Variants in BRIP1 observed in about 807,000 individuals in gnomAD.
BRIP1 encodes Fanconi anemia group J protein.
A neutral mutation model predicts 119.7 loss-of-function variants in BRIP1; 88 were observed. The ratio of observed to expected loss-of-function variants is 0.74; its 90% confidence interval spans 0.62 to 0.88. The LOEUF is 0.88. Ranked by LOEUF, BRIP1 falls within the 40% of genes least tolerant of loss-of-function variation. BRIP1 has a pLI of 0.00. For synonymous variants in BRIP1, 443 were observed against 496.5 expected (o/e 0.89, Z 1.43); for missense variants, 1,259 against 1,455.4 (o/e 0.87, Z 2.20).
intron 11 of BRIP1, among the ~76,000 whole-genome samples, chr17:61,781,608 A>G (rs1307114223): frequency 6.6e-6 from 1 of 152,176 alleles, no homozygotes; most frequent in East Asian, 1.9e-4. Flanking sequence ...ATAAGAATCT[A>G]GAAAATGGTT....
chr17:61,786,837 T>C (rs1420621902), intron 10 of BRIP1, among the ~76,000 whole-genome samples: 4 of 127,868 alleles, frequency 3.1e-5, no homozygotes, highest in Non-Finnish European at 6.3e-5. Flanking sequence ...TTTTATATAA[T>C]ATATTTATAT....
rs1285648729 is a variant in BRIP1 at position 61,862,185 on chromosome 17, C to G, written c.-30-616G>C. The G allele has an allele frequency of 6.5e-6, 1 of 153,454 alleles. No individual in the cohort carries two copies. The highest frequency in any genetic ancestry group is 1.4e-5 in the Non-Finnish European group (1 of 68,982). 9.5% of individuals were successfully genotyped at this position (153,454 alleles called of 1,614,324 possible). A position where few individuals can be genotyped will look rare whatever the true frequency, so the allele number is the denominator to read the frequency against. On this transcript the variant is annotated intron_variant, in intron 1 of 19. Transcript: ENST00000259008. This position sits in a 1 kb window ranked among gnomAD's most constrained non-coding sequence, Gnocchi z 5.3. ...ATCTTTGACATATCTTTTTACTTCT[C>G]TAGTCTAAGATCCTTACCTGTGATA... is the stretch of plus-strand genomic sequence containing the variant.
At chr17:61,838,380 T>C (rs1369931366) in intron 6 of BRIP1, among the ~76,000 whole-genome samples, 1 of 151,718 alleles carries the variant, frequency 6.6e-6, no homozygotes, top group Non-Finnish European at 1.5e-5. Context: ...ACCCTGTCTC[T>C]ACTAAAATAT....
In BRIP1 at chr17:61,752,806, A is replaced by G. The variant is rs1034210634; in HGVS notation, c.2098-8215T>C. Among the ~76,000 whole-genome samples the G allele has an allele frequency of 6.6e-6, 1 of 152,226 alleles. No homozygotes were observed. Among genetic ancestry groups the G allele is most frequent in the Non-Finnish European group, 1.5e-5 (1 of 68,032 alleles). On this transcript the variant is annotated intron_variant, in intron 14 of 19. Coordinates refer to ENST00000259008, the MANE Select transcript of BRIP1 (RefSeq NM_032043.3). The surrounding 1 kb of genome is among the most constrained non-coding windows in gnomAD (Gnocchi z 6.2). The stretch of plus-strand genomic sequence containing the variant: ...AGAAAAGTGAACAGATTATAAAAAT[A>G]CTTAAAATTAAAATGAGTAAGATAT...
Position 61,799,416 on chromosome 17 carries a change from T to G in BRIP1, c.1141-117A>C. The G allele has an allele frequency of 1.6e-6, 1 of 623,272 alleles. No individual in the cohort carries two copies. The highest frequency in any genetic ancestry group is 2.5e-6 in the Non-Finnish European group (1 of 405,792). The allele number at this position is 623,272 out of a possible 1,614,324, so 38.6% of individuals were successfully genotyped here. ...GGCCAATATTGCAAATGCAATTACATAAGCAACAGAGATTCTAGGTCTTAA... is the reference window on the plus strand; with the variant it reads ...GGCCAATATTGCAAATGCAATTACAGAAGCAACAGAGATTCTAGGTCTTAA... On this transcript the variant is annotated intron_variant, in intron 8 of 19. Transcript: ENST00000259008. This position sits in a 1 kb window ranked among gnomAD's most constrained non-coding sequence, Gnocchi z 5.1.
Position 61,758,174 on chromosome 17 carries a change from C to G in BRIP1, c.2098-13583G>C, listed in dbSNP as rs2077225551. Among the ~76,000 whole-genome samples the G allele has an allele frequency of 6.6e-6, 1 of 152,058 alleles. No homozygotes were observed. Among genetic ancestry groups the G allele is most frequent in the East Asian group, 1.9e-4 (1 of 5,202 alleles). ...AATGTATATAATCTGACTTGTTTTG[C>G]TTTTTAAAAATGAAGAACTGTTGAC... is the stretch of plus-strand genomic sequence containing the variant. On this transcript the variant is annotated intron_variant, in intron 14 of 19. Transcript: ENST00000259008. The surrounding 1 kb of genome is among the most constrained non-coding windows in gnomAD (Gnocchi z 5.3).
chr17:61,772,466 G>GA, intron 14 of BRIP1, among the ~76,000 whole-genome samples: 1 of 152,060 alleles, frequency 6.6e-6, no homozygotes, highest in South Asian at 2.1e-4. Context: ...GAAAGGTTCT[G>GA]AAAATAGATA....
rs1445916541 is a variant in BRIP1, at chr17:61,806,103, G to T, written c.918+2364C>A. The stretch of plus-strand genomic sequence containing the variant: ...TCAGAAAGTTTACACTTTAAGGGCA[G>T]TTAGAATGACACCCCTCTGCAGGCT... On this transcript the variant is annotated intron_variant, in intron 7 of 19. Coordinates refer to ENST00000259008, the MANE Select transcript of BRIP1 (RefSeq NM_032043.3). This position sits in a 1 kb window ranked among gnomAD's most constrained non-coding sequence, Gnocchi z 4.9. Among the ~76,000 whole-genome samples, 1 of 152,210 alleles carries T rather than the reference G, an allele frequency of 6.6e-6. No homozygotes were observed. The highest frequency in any genetic ancestry group is 2.4e-5 in the African/African-American group (1 of 41,444).
rs540232750 is a variant in BRIP1 at position 61,690,072 on chromosome 17, G to A, written c.2575+3358C>T. Among the ~76,000 whole-genome samples the A allele has an allele frequency of 9.9e-4, 151 of 152,254 alleles. No homozygotes were observed. The highest frequency in any genetic ancestry group is 1.6e-3 in the Non-Finnish European group (110 of 68,024). ...AAGGAAGTGGGATGACATGTTTGAA[G>A]TGCTGAAAGAAAAAAACCTGCCAGT... On this transcript the variant is annotated intron_variant, in intron 18 of 19. Transcript: ENST00000259008. This position sits in a 1 kb window ranked among gnomAD's most constrained non-coding sequence, Gnocchi z 5.6.
chr17:61,757,607 C>T lies in BRIP1; in HGVS notation c.2098-13016G>A, dbSNP rs74364882. On this transcript the variant is annotated intron_variant, in intron 14 of 19. Transcript: ENST00000259008. This position sits in a 1 kb window ranked among gnomAD's most constrained non-coding sequence, Gnocchi z 4.3. ...CTTGATACATTCTGATAAAAATATACAATGATATTTACAATGCAAAAAACT... is the reference window on the plus strand; with the variant it reads ...CTTGATACATTCTGATAAAAATATATAATGATATTTACAATGCAAAAAACT... Among the ~76,000 whole-genome samples the T allele has an allele frequency of 9.1e-4, 138 of 152,234 alleles. 1 individual carries two copies. In the East Asian group the frequency reaches 0.025, roughly 27 times the overall value.
chr17:61,771,293 G>A (rs2077444273), intron 14 of BRIP1, among the ~76,000 whole-genome samples: 2 of 152,166 alleles, frequency 1.3e-5, no homozygotes, highest in South Asian at 2.1e-4. Context: ...AATGAGTTAG[G>A]AGTTTCTTTT....
chr17:61,731,184 T>C (rs1395574557), intron 16 of BRIP1, among the ~76,000 whole-genome samples: 2 of 152,202 alleles, frequency 1.3e-5, no homozygotes, highest in Non-Finnish European at 1.5e-5. Context: ...ACAAGGTTTT[T>C]TCTTCTATAT....
intron 16 of BRIP1, among the ~76,000 whole-genome samples, chr17:61,721,048 G>A (rs2144462211): frequency 6.6e-6 from 1 of 151,884 alleles, no homozygotes; most frequent in East Asian, 2.0e-4. Flanking sequence ...CACATTGTTG[G>A]TCAGGCTGGT....
Position 61,814,666 on chromosome 17 carries a change from C to G in BRIP1, c.628-5909G>C, listed in dbSNP as rs1254185111. Among the ~76,000 whole-genome samples, 1 of 151,960 alleles carries G rather than the reference C, an allele frequency of 6.6e-6. No homozygotes were observed. Among genetic ancestry groups the G allele is most frequent in the Non-Finnish European group, 1.5e-5 (1 of 67,894 alleles). On this transcript the variant is annotated intron_variant, in intron 6 of 19. Transcript: ENST00000259008. The surrounding 1 kb of genome is among the most constrained non-coding windows in gnomAD (Gnocchi z 4.9). Reference sequence around the variant, plus strand: ...AACTACTTGAGAGCAAATTGGTGATCTAGTGAAATCAAAGATACATATACC... The same window carrying G: ...AACTACTTGAGAGCAAATTGGTGATGTAGTGAAATCAAAGATACATATACC...
rs1171571254 is a variant in BRIP1 at position 61,814,605 on chromosome 17, C to T, written c.628-5848G>A. 2.6e-5 allele frequency among the ~76,000 whole-genome samples: 4 copies of T among 152,024 alleles called. No homozygotes were observed. ...GGGTACTGGAGAGGATATGAAGAAA[C>T]TCTTATTCACTGCTGATCGAAGTAT... On this transcript the variant is annotated intron_variant, in intron 6 of 19. Coordinates refer to ENST00000259008, the MANE Select transcript of BRIP1 (RefSeq NM_032043.3). The surrounding 1 kb of genome is among the most constrained non-coding windows in gnomAD (Gnocchi z 4.9).
Position 61,736,012 on chromosome 17 carries a change from A to G in BRIP1, c.2379+7001T>C, listed in dbSNP as rs762709349. 3.9e-5 allele frequency among the ~76,000 whole-genome samples: 6 copies of G among 152,016 alleles called. No individual in the cohort carries two copies. Among genetic ancestry groups the G allele is most frequent in the Non-Finnish European group, 7.4e-5 (5 of 68,016 alleles). On this transcript the variant is annotated intron_variant, in intron 16 of 19. Transcript: ENST00000259008. This position sits in a 1 kb window ranked among gnomAD's most constrained non-coding sequence, Gnocchi z 4.4. Reference sequence around the variant, plus strand: ...AATGTGTGTTAAGCCACTATGTGATAATTTGTTACACAGCAATAAAAAACT... The same window carrying G: ...AATGTGTGTTAAGCCACTATGTGATGATTTGTTACACAGCAATAAAAAACT...
At chr17:61,849,021 T>C (rs1265955606) in intron 5 of BRIP1, 108 bp downstream of exon 5, 1 of 1,194,050 alleles carries the variant, frequency 8.4e-7, no homozygotes, top group Non-Finnish European at 1.2e-6. Flanking sequence ...AATTTATGGC[T>C]GTCACATGAC....
rs55963888 is a variant in BRIP1 at position 61,697,336 on chromosome 17, CAAAAAAAAAAAAAAAAAAAAAA to C, written c.2493-3846_2493-3825del. 1.5e-4 allele frequency among the ~76,000 whole-genome samples: 9 copies of C among 59,146 alleles called. No individual in the cohort carries two copies. The East Asian group carries it at 5.5e-3, about 36-fold the overall frequency. 38.8% of individuals were successfully genotyped at this position (59,146 alleles called of 152,430 possible). ...CAGGCAACAGTGTGAGACTCTGTCT[CAAAAAAAAAAAAAAAAAAAAAA>C]AAAAAAAAAAAAAGATATTCTATTT... On this transcript the variant is annotated intron_variant, in intron 17 of 19. Transcript: ENST00000259008.
chr17:61,772,820 G>GAAAAAAAAAAAAAAAAAAAA (rs71355193), intron 14 of BRIP1, among the ~76,000 whole-genome samples: 1 of 53,538 alleles, frequency 1.9e-5, no homozygotes, highest in Admixed American at 2.6e-4. Context: ...TTCCATCTCA[G>GAAAAAAAAAAAAAAAAAAAA]AAAAAAAAAA....
Sources: gnomAD v4.1 joint callset for allele counts (sites outside exome capture counted in the v4.1 genomes callset) on GRCh38, gnomAD v4.1.1 for gene constraint, Gnocchi (gnomAD v3.1) non-coding constraint, MANE v1.5 for transcripts, NCBI Gene and HGNC (gene_info 2026-07-23, HGNC 2026-07-21) for gene names.